ARHGAP42: variants seen among roughly 807,000 people sequenced by gnomAD.
The protein encoded by ARHGAP42 is Rho GTPase activating protein 42, also known as rho GTPase-activating protein 42.
ARHGAP42 carries 63 observed loss-of-function variants against 125.0 expected under a neutral mutation model. The observed-to-expected ratio is 0.50, with a 90% CI of 0.41 to 0.62. The LOEUF (loss-of-function observed/expected upper bound fraction) is 0.62. ARHGAP42 is among the 20% of genes least tolerant of loss of function. ARHGAP42 has a pLI of 0.00. For synonymous variants in ARHGAP42, 339 were observed against 351.0 expected (o/e 0.97, Z 0.38); for missense variants, 766 against 1,024.2 (o/e 0.75, Z 3.44).
chr11:100,874,653 G>C (rs967026682), intron 4 of ARHGAP42, among the ~76,000 whole-genome samples: 1 of 152,096 alleles, frequency 6.6e-6, no homozygotes, highest in Admixed American at 6.6e-5. Flanking sequence ...ACCACCTTTT[G>C]CCTTTTTCAT....
intron 5 of ARHGAP42, among the ~76,000 whole-genome samples, chr11:100,914,005 G>A (rs589513): frequency 0.22 from 32,692 of 151,894 alleles, 5,576 homozygotes; most frequent in African/African-American, 0.48. Context: ...TGCACTCTCA[G>A]CTCACTGCAA....
chr11:100,915,847 C>T (rs1867047510), intron 5 of ARHGAP42, among the ~76,000 whole-genome samples: 2 of 152,166 alleles, frequency 1.3e-5, no homozygotes, highest in Admixed American at 1.3e-4. Flanking sequence ...CAAAATGTAG[C>T]TTGGGTTCCC....
intron 6 of ARHGAP42, among the ~76,000 whole-genome samples, chr11:100,930,741 C>A (rs150838968): frequency 6.6e-6 from 1 of 152,090 alleles, no homozygotes. Flanking sequence ...TATTGGTTTA[C>A]CAAAATCTGT....
At chr11:100,982,872 A>T (rs1858579467) in intron 22 of ARHGAP42, among the ~76,000 whole-genome samples, 1 of 152,206 alleles carries the variant, frequency 6.6e-6, no homozygotes, top group Non-Finnish European at 1.5e-5. Flanking sequence ...GCTATAAATC[A>T]CTGGTTTAGA....
At chr11:100,709,181 A>G (rs1037008354) in intron 1 of ARHGAP42, among the ~76,000 whole-genome samples, 7 of 152,194 alleles carry the variant, frequency 4.6e-5, no homozygotes, top group African/African-American at 1.4e-4. Flanking sequence ...CTGGGACTAC[A>G]GGCACATGTC....
intron 4 of ARHGAP42, among the ~76,000 whole-genome samples, chr11:100,886,274 C>T (rs1866091339): frequency 6.6e-6 from 1 of 152,088 alleles, no homozygotes; most frequent in Non-Finnish European, 1.5e-5. Flanking sequence ...AGCATTTCAT[C>T]GATTTGTTTG....
intron 1 of ARHGAP42, among the ~76,000 whole-genome samples, chr11:100,731,750 C>G (rs10895011): frequency 0.54 from 81,968 of 151,842 alleles, 22,675 homozygotes; most frequent in African/African-American, 0.68. Flanking sequence ...CATCTGCCCA[C>G]CCCAATTAGC....
intron 4 of ARHGAP42, among the ~76,000 whole-genome samples, chr11:100,894,001 C>T (rs1195605322): frequency 6.6e-6 from 1 of 152,128 alleles, no homozygotes; most frequent in Non-Finnish European, 1.5e-5. Context: ...ATTTTACCCA[C>T]CAATGGCTAT....
chr11:100,960,048 C>A, intron 13 of ARHGAP42, 103 bp downstream of exon 13: 2 of 1,054,782 alleles, frequency 1.9e-6, no homozygotes, highest in Non-Finnish European at 2.8e-6. Flanking sequence ...TGGTCATTAA[C>A]ATGGATTAAT....
At chr11:100,861,797 T>C (rs556318250) in intron 4 of ARHGAP42, among the ~76,000 whole-genome samples, 2 of 152,222 alleles carry the variant, frequency 1.3e-5, no homozygotes, top group South Asian at 4.1e-4. Context: ...CCATGTGATG[T>C]TGAGTTAGCA....
intron 1 of ARHGAP42, among the ~76,000 whole-genome samples, chr11:100,725,649 C>A (rs1272900841): frequency 7.1e-3 from 1 of 140 alleles, no homozygotes; most frequent in African/African-American, 0.025. Context: ...TAAAAAAAAG[C>A]CAGGTGGCCC....
At chr11:100,834,136 T>TA (rs1209658416) in intron 3 of ARHGAP42, among the ~76,000 whole-genome samples, 6 of 152,144 alleles carry the variant, frequency 3.9e-5, no homozygotes, top group Non-Finnish European at 8.8e-5. Context: ...TTATATGAAA[T>TA]ACATTCTTAA....
chr11:100,992,634 C>T lies in ARHGAP42; in HGVS notation c.*3833C>T. On this transcript the variant is annotated 3_prime_UTR_variant, in exon 24 of 24. Coordinates refer to ENST00000298815, the MANE Select transcript of ARHGAP42 (RefSeq NM_152432.4). ...GTATCCCTCATTGTCACCGTTATCC[C>T]CCTGCTTCAAAATGTGCCAGTTCCA... The T allele has an allele frequency of 1.9e-6, 3 of 1,613,026 alleles. No individual in the cohort carries two copies. The highest frequency in any genetic ancestry group is 2.2e-5 in the East Asian group (1 of 44,860).
At chr11:100,695,664 C>T (rs927869371) in intron 1 of ARHGAP42, among the ~76,000 whole-genome samples, 4 of 152,130 alleles carry the variant, frequency 2.6e-5, no homozygotes, top group Non-Finnish European at 5.9e-5. Context: ...TTTTTATCTG[C>T]AGTATTCTGA....
chr11:100,694,886 C>T (rs1861248570), intron 1 of ARHGAP42, among the ~76,000 whole-genome samples: 1 of 152,190 alleles, frequency 6.6e-6, no homozygotes. Context: ...AAAAAGTTAG[C>T]CAGGCATGGT....
At chr11:100,959,805 G>C in intron 12 of ARHGAP42, 78 bp from the exon 13 acceptor site, 1 of 1,323,426 alleles carries the variant, frequency 7.6e-7, no homozygotes, top group Non-Finnish European at 1.1e-6. Flanking sequence ...AGTCATAAAG[G>C]CCCAGTGAAC....
At chr11:100,768,286 G>C in intron 1 of ARHGAP42, among the ~76,000 whole-genome samples, 1 of 150,980 alleles carries the variant, frequency 6.6e-6, no homozygotes, top group Non-Finnish European at 1.5e-5. Context: ...AGCAGGATGT[G>C]GGGCATTGGG....
chr11:100,970,492 A>AAT (rs1858211616), intron 17 of ARHGAP42, among the ~76,000 whole-genome samples: 1 of 152,000 alleles, frequency 6.6e-6, no homozygotes, highest in Admixed American at 6.6e-5. Context: ...CCAGCTTGTT[A>AAT]GTTTTCACTA....
chr11:100,922,388 C>G (rs1186846117), intron 6 of ARHGAP42, among the ~76,000 whole-genome samples: 9 of 152,020 alleles, frequency 5.9e-5, no homozygotes, highest in Non-Finnish European at 1.2e-4. Flanking sequence ...GCATTTTTTT[C>G]AAGTGATACC....
Sources: allele counts gnomAD v4.1 joint callset (sites outside exome capture counted in the v4.1 genomes callset), GRCh38; gene constraint gnomAD v4.1.1; transcripts MANE v1.5; gene names NCBI Gene and HGNC (gene_info 2026-07-23, HGNC 2026-07-21).